Variants in FRMPD4 observed in about 807,000 individuals in gnomAD.
FRMPD4 encodes the protein FERM and PDZ domain containing 4.
FRMPD4 carries 22 observed loss-of-function variants against 94.1 expected under a neutral mutation model. The observed-to-expected ratio is 0.23, with a 90% CI of 0.17 to 0.33. The LOEUF (loss-of-function observed/expected upper bound fraction) is 0.33. Among genes scored for constraint, FRMPD4 ranks in the 10% least tolerant of loss-of-function variants. FRMPD4 has a pLI of 1.00. For synonymous variants in FRMPD4, 631 were observed against 548.6 expected (o/e 1.15, Z -2.10); for missense variants, 1,111 against 1,339.9 (o/e 0.83, Z 2.67).
chrX:12,102,863 T>C (rs1008835154), intron 3 of FRMPD4, among the ~76,000 whole-genome samples: 4 of 109,760 alleles, frequency 3.6e-5, no homozygotes, highest in Non-Finnish European at 7.6e-5. Context: ...TTCTTGAAAA[T>C]TCTTAGTGGG....
At chrX:11,842,895 T>C (rs2053546927) in intron 1 of FRMPD4, among the ~76,000 whole-genome samples, 1 of 109,699 alleles carries the variant, frequency 9.1e-6, no homozygotes, top group Non-Finnish European at 1.9e-5. Flanking sequence ...TTGTCATAGA[T>C]AGCTCTTATT....
intron 1 of FRMPD4, among the ~76,000 whole-genome samples, chrX:12,452,037 T>C (rs772878704): frequency 2.7e-5 from 3 of 110,800 alleles, no homozygotes; most frequent in African/African-American, 6.6e-5. Flanking sequence ...AGTAGAATAT[T>C]ATCTCCTTTG....
chrX:11,902,375 A>C (rs5978473), intron 3 of FRMPD4, among the ~76,000 whole-genome samples: 36,553 of 110,174 alleles, frequency 0.33, 4,651 homozygotes, highest in East Asian at 0.63. Flanking sequence ...CTCTTCCTGA[A>C]GCACATGGCC....
chrX:12,058,677 A>T (rs758433325), intron 3 of FRMPD4, among the ~76,000 whole-genome samples: 6 of 111,481 alleles, frequency 5.4e-5, no homozygotes, highest in Non-Finnish European at 1.1e-4. Flanking sequence ...ATTATATGTG[A>T]TTATATTTAA....
chrX:12,233,082 C>T (rs1459145892), intron 1 of FRMPD4, among the ~76,000 whole-genome samples: 4 of 112,177 alleles, frequency 3.6e-5, no homozygotes, highest in Non-Finnish European at 7.5e-5. Flanking sequence ...CCACTCTACG[C>T]TCTTGTTCCT....
intron 3 of FRMPD4, among the ~76,000 whole-genome samples, chrX:12,007,977 G>T (rs1430140929): frequency 8.9e-6 from 1 of 111,777 alleles, no homozygotes; most frequent in Non-Finnish European, 1.9e-5. Flanking sequence ...CCATTAAGAG[G>T]GGGAAGGAGA....
At chrX:12,351,277 C>T (rs188697821) in intron 1 of FRMPD4, among the ~76,000 whole-genome samples, 23 of 110,806 alleles carry the variant, frequency 2.1e-4, no homozygotes, top group African/African-American at 6.9e-4. Flanking sequence ...TTGAAAGCCA[C>T]CATTTCTGAT....
At chrX:12,508,824 T>C (rs1321150955) in intron 2 of FRMPD4, among the ~76,000 whole-genome samples, 8 of 108,582 alleles carry the variant, frequency 7.4e-5, no homozygotes, top group African/African-American at 2.7e-4. Flanking sequence ...AAACCCCATC[T>C]CTACTAAAAA....
Position 12,228,040 on chromosome X carries a change from G to T in FRMPD4, c.41+89028G>T, listed in dbSNP as rs576381877. On this transcript the variant is annotated intron_variant, in intron 1 of 16. Transcript: ENST00000675598. ...TGTTTCTGATTCAGATTTTGTCAGT[G>T]ATCTGTGATTATCAATTACCCATTG... 1.1e-3 allele frequency among the ~76,000 whole-genome samples: 122 copies of T among 112,346 alleles called. No individual in the cohort carries two copies. The South Asian group carries it at 0.029, about 27-fold the overall frequency.
At chrX:12,534,112 G>A (rs1331827753) in intron 2 of FRMPD4, among the ~76,000 whole-genome samples, 4 of 112,877 alleles carry the variant, frequency 3.5e-5, no homozygotes, top group South Asian at 7.3e-4. Flanking sequence ...TCCCAACTGC[G>A]CCAGCCTTGG....
rs1237448155 is a variant in FRMPD4, at chrX:12,717,283, TTGTG to T, written c.2674+154_2674+157del. ...GCTGAAACTGCCATCATGGGTTTTTTTGTGTGTATGTGATTTCCTTTGTTATTTT... is the reference window on the plus strand; with the variant it reads ...GCTGAAACTGCCATCATGGGTTTTTTTGTATGTGATTTCCTTTGTTATTTT... On this transcript the variant is annotated intron_variant, in intron 15 of 16. Coordinates refer to ENST00000675598, the MANE Select transcript of FRMPD4 (RefSeq NM_001368397.1). The T allele has an allele frequency of 6.4e-6, 3 of 467,260 alleles. No homozygotes were observed. The African/African-American group carries it at 7.3e-5, about 11-fold the overall frequency. 38.5% of individuals were successfully genotyped at this position (467,260 alleles called of 1,213,427 possible).
chrX:12,564,178 GA>G (rs887700670), intron 2 of FRMPD4, among the ~76,000 whole-genome samples: 15 of 111,960 alleles, frequency 1.3e-4, no homozygotes, highest in African/African-American at 4.9e-4. Flanking sequence ...CCATACTCAT[GA>G]CCTAGTCATC....
chrX:12,011,810 C>G (rs976325723), intron 3 of FRMPD4, among the ~76,000 whole-genome samples: 2 of 111,466 alleles, frequency 1.8e-5, no homozygotes, highest in African/African-American at 6.5e-5. Flanking sequence ...TTCAGTGATA[C>G]CATCTCTGTG....
At chrX:12,238,428 C>G (rs1022410134) in intron 1 of FRMPD4, among the ~76,000 whole-genome samples, 1 of 111,861 alleles carries the variant, frequency 8.9e-6, no homozygotes, top group Non-Finnish European at 1.9e-5. Context: ...CATGAGCCAC[C>G]GCGTCCAGCC....
At chrX:12,520,357 T>G (rs2058148423) in intron 2 of FRMPD4, among the ~76,000 whole-genome samples, 1 of 112,116 alleles carries the variant, frequency 8.9e-6, no homozygotes, top group Non-Finnish European at 1.9e-5. Context: ...TACCAGGAGC[T>G]GAGGGAAACA....
At chrX:12,516,848 C>G (rs764482356) in intron 2 of FRMPD4, among the ~76,000 whole-genome samples, 10 of 107,945 alleles carry the variant, frequency 9.3e-5, no homozygotes, top group African/African-American at 3.4e-4. Flanking sequence ...TAGGTTCAGT[C>G]TTTTTACATA....
At chrX:12,378,403 T>TAGTC (rs2056271434) in intron 1 of FRMPD4, among the ~76,000 whole-genome samples, 1 of 112,638 alleles carries the variant, frequency 8.9e-6, no homozygotes, top group Non-Finnish European at 1.9e-5. Context: ...GCTTGCTCTC[T>TAGTC]AGTCATGTGC....
At chrX:12,608,647 C>T (rs2059152696) in intron 2 of FRMPD4, among the ~76,000 whole-genome samples, 1 of 112,624 alleles carries the variant, frequency 8.9e-6, no homozygotes, top group African/African-American at 3.2e-5. Context: ...CTGAAACCCT[C>T]TGAGGCTGTT....
At chrX:12,530,424 T>G (rs2058272838) in intron 2 of FRMPD4, among the ~76,000 whole-genome samples, 1 of 111,293 alleles carries the variant, frequency 9.0e-6, no homozygotes, top group East Asian at 2.8e-4. Flanking sequence ...AGAGAGCCAC[T>G]GAAGATCTCT....
Sources: allele counts gnomAD v4.1 joint callset (sites outside exome capture counted in the v4.1 genomes callset), GRCh38; gene constraint gnomAD v4.1.1; transcripts MANE v1.5; gene names NCBI Gene and HGNC (gene_info 2026-07-23, HGNC 2026-07-21).